Variants in UNC13C observed in about 807,000 individuals in gnomAD.
UNC13C encodes the protein unc-13 homolog C, also known as protein unc-13 homolog C.
UNC13C carries 174 observed loss-of-function variants against 245.4 expected under a neutral mutation model. The observed-to-expected ratio is 0.71, with a 90% confidence interval of 0.63 to 0.80. The LOEUF is 0.80. UNC13C is among the 30% of genes least tolerant of loss of function. The pLI, the probability that UNC13C is intolerant of heterozygous loss-of-function variation, is 0.00. For missense variants in UNC13C, 2,829 were observed against 2,602.9 expected, an observed-to-expected ratio of 1.09 and a Z score of -1.89; for synonymous variants, 992 against 895.1, an observed-to-expected ratio of 1.11 and a Z score of -1.93.
intron 25 of UNC13C, among the ~76,000 whole-genome samples, chr15:54,527,543 T>G (rs1895530814): frequency 1.3e-5 from 2 of 152,220 alleles, no homozygotes; most frequent in East Asian, 3.8e-4. Flanking sequence ...CTTTTTGTTT[T>G]GTTTGGGGAG....
intron 2 of UNC13C, among the ~76,000 whole-genome samples, chr15:54,107,609 A>G (rs1243664978): frequency 6.6e-6 from 1 of 152,206 alleles, no homozygotes. Flanking sequence ...TGAGAACAGG[A>G]GAAGAAATGG....
At chr15:54,198,407 A>T (rs1271357765) in intron 4 of UNC13C, among the ~76,000 whole-genome samples, 1 of 152,072 alleles carries the variant, frequency 6.6e-6, no homozygotes, top group African/African-American at 2.4e-5. Context: ...AATCAATACA[A>T]AACCAGCATA....
At chr15:54,612,170 T>C (rs553208385) in intron 30 of UNC13C, among the ~76,000 whole-genome samples, 1 of 152,168 alleles carries the variant, frequency 6.6e-6, no homozygotes, top group East Asian at 1.9e-4. Context: ...AATCATTGTT[T>C]TAATTTCTCT....
the UNC13C span, among the ~76,000 whole-genome samples, chr15:53,941,679 T>A: frequency 2.0e-5 from 3 of 152,128 alleles, no homozygotes; most frequent in South Asian, 2.1e-4. Flanking sequence ...AAAGGTCTAA[T>A]ATCCAAGGTC....
chr15:54,416,822 C>T (rs1050683828), intron 19 of UNC13C: 8 of 441,184 alleles, frequency 1.8e-5, no homozygotes, highest in African/African-American at 1.4e-4. Context: ...ATTGGTGCCA[C>T]CATTTATGCA....
chr15:53,844,933 A>G, the UNC13C span, among the ~76,000 whole-genome samples: 2 of 152,144 alleles, frequency 1.3e-5, no homozygotes, highest in African/African-American at 2.4e-5. Context: ...TCATACTGAA[A>G]TGGATGATAC....
In UNC13C at chr15:54,020,441, A is replaced by ATTTTT. The variant is rs35981072; in HGVS notation, c.2983+4573_2983+4577dup. On this transcript the variant is annotated intron_variant, in intron 2 of 32. Coordinates refer to ENST00000260323, the MANE Select transcript of UNC13C (RefSeq NM_001080534.3). ...AGGCATGCACCACCACGCCCAGCTA[A>ATTTTT]TTTTTTTTTTTTTTTTTTTTTTAAT... Among the ~76,000 whole-genome samples the ATTTTT allele has an allele frequency of 3.5e-4, 37 of 106,818 alleles. 1 individual carries two copies. The highest frequency in any genetic ancestry group is 1.8e-3 in the East Asian group (6 of 3,412). 70.1% of individuals were successfully genotyped at this position (106,818 alleles called of 152,430 possible).
the UNC13C span, among the ~76,000 whole-genome samples, chr15:53,897,796 T>C: frequency 6.6e-6 from 1 of 152,234 alleles, no homozygotes; most frequent in Non-Finnish European, 1.5e-5. Flanking sequence ...AGTTCTTCTA[T>C]GTGCTGTAAT....
At chr15:54,300,069 C>A in intron 12 of UNC13C, 141 bp from the exon 13 acceptor site, 1 of 737,302 alleles carries the variant, frequency 1.4e-6, no homozygotes. Flanking sequence ...AATAAAAATT[C>A]AAGATATTCC....
chr15:53,925,980 C>A, the UNC13C span, among the ~76,000 whole-genome samples: 2 of 152,126 alleles, frequency 1.3e-5, no homozygotes, highest in Non-Finnish European at 2.9e-5. Context: ...TTTGATCAAA[C>A]CCCAGTGGGA....
At position 54,251,339 on chromosome 15, in the gene UNC13C, T is replaced by G. The variant is rs189967248; in HGVS notation, c.3448+895T>G. Reference sequence around the variant, plus strand: ...ATATTTTAACTTCTTGAGGCTTTATTTTTCTCCACTCTATGGGCAGGAATA... The same window carrying G: ...ATATTTTAACTTCTTGAGGCTTTATGTTTCTCCACTCTATGGGCAGGAATA... On this transcript the variant is annotated intron_variant, in intron 8 of 32. Coordinates refer to ENST00000260323, the MANE Select transcript of UNC13C (RefSeq NM_001080534.3). 5.3e-5 allele frequency among the ~76,000 whole-genome samples: 8 copies of G among 151,336 alleles called. No homozygotes were observed. The East Asian group carries it at 9.7e-4, about 18-fold the overall frequency.
chr15:54,059,455 A>C (rs1360870563), intron 2 of UNC13C, among the ~76,000 whole-genome samples: 1 of 152,152 alleles, frequency 6.6e-6, no homozygotes, highest in Non-Finnish European at 1.5e-5. Context: ...CTGCTCAATG[A>C]AATAAAAGAG....
the UNC13C span, among the ~76,000 whole-genome samples, chr15:53,897,006 C>A: frequency 6.6e-6 from 1 of 152,052 alleles, no homozygotes; most frequent in Non-Finnish European, 1.5e-5. Context: ...CATGTAATTA[C>A]TTTAAGACTG....
the UNC13C span, among the ~76,000 whole-genome samples, chr15:53,882,590 C>G: frequency 0.84 from 127,821 of 152,024 alleles, 54,017 homozygotes; most frequent in Non-Finnish European, 0.89. Flanking sequence ...CCATTTGGTA[C>G]GATAACAGGG....
intron 17 of UNC13C, among the ~76,000 whole-genome samples, chr15:54,373,116 A>G (rs1314509122): frequency 6.6e-6 from 1 of 152,194 alleles, no homozygotes; most frequent in Non-Finnish European, 1.5e-5. Flanking sequence ...AGCATGAGAC[A>G]GTCATTGGTG....
At chr15:53,941,506 C>T in the UNC13C span, among the ~76,000 whole-genome samples, 2 of 152,018 alleles carry the variant, frequency 1.3e-5, no homozygotes, top group South Asian at 4.1e-4. Flanking sequence ...GTGAACAGAC[C>T]ACCTACATAA....
At chr15:54,438,041 C>G (rs112128955) in intron 19 of UNC13C, among the ~76,000 whole-genome samples, 1,793 of 151,876 alleles carry the variant, frequency 0.012, 30 homozygotes, top group African/African-American at 0.041. Context: ...GGGTAAAATA[C>G]ACTTCAAGTC....
chr15:54,326,986 C>A (rs1438182769), intron 14 of UNC13C, among the ~76,000 whole-genome samples: 1 of 151,902 alleles, frequency 6.6e-6, no homozygotes, highest in Non-Finnish European at 1.5e-5. Flanking sequence ...AGCCACTTTA[C>A]CAGCGCATCA....
In UNC13C at chr15:54,507,137, C is replaced by A; in HGVS notation, c.5322C>A (p.Leu1774=). Reference sequence around the variant, plus strand: ...CTTAGACTATCAATAAAGTGCTGCTCCAGTATGCTGCAATTGTATCAAGTG... The same window carrying A: ...CTTAGACTATCAATAAAGTGCTGCTACAGTATGCTGCAATTGTATCAAGTG... ...RFAKTINKVL[L]QYAAIVSSDF... Residue 1774 remains leucine, a synonymous_variant, in exon 23 of 33, where the codon CTC becomes CTA. Coordinates refer to ENST00000260323, the MANE Select transcript of UNC13C (RefSeq NM_001080534.3). 6.3e-7 allele frequency: 1 copy of A among 1,598,746 alleles called. No homozygotes were observed. The highest frequency in any genetic ancestry group is 8.5e-7 in the Non-Finnish European group (1 of 1,171,512).
Sources: allele counts gnomAD v4.1 joint callset (sites outside exome capture counted in the v4.1 genomes callset), GRCh38; gene constraint gnomAD v4.1.1; transcripts MANE v1.5; gene names NCBI Gene and HGNC (gene_info 2026-07-23, HGNC 2026-07-21).